The following LRRTM3 variants were observed in gnomAD, a reference collection of about 807,000 sequenced individuals.
LRRTM3 encodes the protein leucine-rich repeat transmembrane neuronal protein 3.
LRRTM3 carries 24 observed loss-of-function variants against 44.7 expected under a neutral mutation model. That is an observed-to-expected ratio of 0.54 (90% confidence interval 0.39 to 0.76). LRRTM3 has a LOEUF of 0.76. Ranked by LOEUF, LRRTM3 falls within the 30% of genes least tolerant of loss-of-function variation. The pLI is 0.00. For synonymous variants in LRRTM3, 277 were observed against 278.7 expected (o/e 0.99, Z 0.06); for missense variants, 587 against 702.2 (o/e 0.84, Z 1.85).
chr10:67,026,809 C>T (rs1471505248), intron 2 of LRRTM3, among the ~76,000 whole-genome samples: 2 of 152,136 alleles, frequency 1.3e-5, no homozygotes, highest in South Asian at 2.1e-4. Context: ...GAAACAAACT[C>T]TTCTCATGTG....
chr10:66,988,216 A>T lies in LRRTM3; in HGVS notation c.1536+59764A>T, dbSNP rs115290067. Among the ~76,000 whole-genome samples the T allele has an allele frequency of 3.4e-3, 521 of 152,272 alleles. 8 individuals are homozygous for T. Among genetic ancestry groups the T allele is most frequent in the African/African-American group, 0.012 (500 of 41,566 alleles). Reference sequence around the variant, plus strand: ...CAAACTCAAGTATCTTCATTGATTTAAAAATGATCCCCAAAATAATACTAC... The same window carrying T: ...CAAACTCAAGTATCTTCATTGATTTTAAAATGATCCCCAAAATAATACTAC... On this transcript the variant is annotated intron_variant, in intron 2 of 2. Coordinates refer to ENST00000361320, the MANE Select transcript of LRRTM3 (RefSeq NM_178011.5).
chr10:67,051,169 A>G (rs942969672), intron 2 of LRRTM3, among the ~76,000 whole-genome samples: 2 of 152,318 alleles, frequency 1.3e-5, no homozygotes, highest in African/African-American at 4.8e-5. Context: ...CAGGAATGAG[A>G]TCTCATTACC....
At position 67,083,785 on chromosome 10, in the gene LRRTM3, T is replaced by C. The variant is rs568500543; in HGVS notation, c.1537-13802T>C. ...ATTCAAAATACATTAGTTCTCCCCA[T>C]AGACATTGGGATGGTTCCCATTACA... On this transcript the variant is annotated intron_variant, in intron 2 of 2. Transcript: ENST00000361320. Among the ~76,000 whole-genome samples the C allele has an allele frequency of 3.3e-5, 5 of 152,274 alleles. No individual in the cohort carries two copies. In the South Asian group the frequency reaches 6.2e-4, roughly 19 times the overall value.
At chr10:66,954,343 G>A (rs541670082) in intron 2 of LRRTM3, among the ~76,000 whole-genome samples, 1 of 152,064 alleles carries the variant, frequency 6.6e-6, no homozygotes. Flanking sequence ...AAAAATCAAG[G>A]TTGCTGCTTC....
intron 2 of LRRTM3, among the ~76,000 whole-genome samples, chr10:66,931,564 T>G (rs1589442376): frequency 6.6e-6 from 1 of 152,202 alleles, no homozygotes; most frequent in Admixed American, 6.5e-5. Context: ...TAGTGTCTGG[T>G]TAGACTAACC....
chr10:67,002,779 C>T (rs1851759354), intron 2 of LRRTM3, among the ~76,000 whole-genome samples: 2 of 151,618 alleles, frequency 1.3e-5, no homozygotes, highest in African/African-American at 4.9e-5. Flanking sequence ...TATATAATTG[C>T]TGGGTTAAAT....
intron 2 of LRRTM3, among the ~76,000 whole-genome samples, chr10:67,096,789 C>T (rs1414911781): frequency 6.6e-6 from 1 of 151,830 alleles, no homozygotes; most frequent in Non-Finnish European, 1.5e-5. Flanking sequence ...CTCATGTATA[C>T]TACTGGTTCC....
chr10:66,994,094 A>C (rs1357428982), intron 2 of LRRTM3, among the ~76,000 whole-genome samples: 1 of 152,206 alleles, frequency 6.6e-6, no homozygotes, highest in African/African-American at 2.4e-5. Context: ...TAACCAAGTT[A>C]AGCTCCTAGA....
intron 2 of LRRTM3, among the ~76,000 whole-genome samples, chr10:67,087,597 TA>T (rs1329055839): frequency 6.6e-6 from 1 of 151,878 alleles, no homozygotes; most frequent in East Asian, 1.9e-4. Flanking sequence ...TAAAATCAAA[TA>T]AAAAATAAAG....
intron 2 of LRRTM3, among the ~76,000 whole-genome samples, chr10:67,026,174 G>C (rs2133092257): frequency 6.6e-6 from 1 of 150,632 alleles, no homozygotes; most frequent in Non-Finnish European, 1.5e-5. Context: ...CGAGTTAATG[G>C]GTGCAGCACA....
At chr10:67,006,355 T>C (rs773470516) in intron 2 of LRRTM3, among the ~76,000 whole-genome samples, 54 of 152,306 alleles carry the variant, frequency 3.5e-4, no homozygotes, top group Middle Eastern at 3.4e-3. Flanking sequence ...TAATAAACTT[T>C]GCAAAAGTCG....
chr10:67,071,135 T>A (rs1856426062), intron 2 of LRRTM3, among the ~76,000 whole-genome samples: 1 of 152,210 alleles, frequency 6.6e-6, no homozygotes, highest in African/African-American at 2.4e-5. Flanking sequence ...AAAGCATCAC[T>A]CTTATTGTTC....
chr10:67,016,568 G>A (rs1199575098), intron 2 of LRRTM3, among the ~76,000 whole-genome samples: 5 of 152,202 alleles, frequency 3.3e-5, no homozygotes, highest in Admixed American at 2.0e-4. Context: ...AGTCTCAGGC[G>A]GGATTTCTAC....
In LRRTM3 at chr10:66,962,423, T is replaced by TG. The variant is rs530127013; in HGVS notation, c.1536+33971_1536+33972insG. Among the ~76,000 whole-genome samples, 27 of 151,778 alleles carry TG rather than the reference T, an allele frequency of 1.8e-4. No homozygotes were observed. The East Asian group carries it at 2.9e-3, about 16-fold the overall frequency. On this transcript the variant is annotated intron_variant, in intron 2 of 2. Transcript: ENST00000361320. Reference sequence around the variant, plus strand: ...TGTTTTTTGTTTTTGTTTTTGTTTTTTTTTTGAGACAGAGTCTCACTCTGT... The same window carrying TG: ...TGTTTTTTGTTTTTGTTTTTGTTTTTGTTTTTGAGACAGAGTCTCACTCTGT...
intron 2 of LRRTM3, among the ~76,000 whole-genome samples, chr10:67,038,757 T>A (rs963750084): frequency 5.9e-5 from 9 of 152,058 alleles, no homozygotes; most frequent in African/African-American, 2.2e-4. Context: ...AACCAGGAGT[T>A]CAATATGAGA....
chr10:66,961,771 T>C lies in LRRTM3; in HGVS notation c.1536+33319T>C, dbSNP rs533242090. Among the ~76,000 whole-genome samples, 6 of 152,266 alleles carry C rather than the reference T, an allele frequency of 3.9e-5. No individual in the cohort carries two copies. The South Asian group carries it at 1.2e-3, about 32-fold the overall frequency. On this transcript the variant is annotated intron_variant, in intron 2 of 2. Coordinates refer to ENST00000361320, the MANE Select transcript of LRRTM3 (RefSeq NM_178011.5). Reference sequence around the variant, plus strand: ...CCTTGAGGACATTTCAAAGGCTTAATAGACATTTCAAACTTAATACATGCA... The same window carrying C: ...CCTTGAGGACATTTCAAAGGCTTAACAGACATTTCAAACTTAATACATGCA...
chr10:67,085,578 A>C (rs1857261047), intron 2 of LRRTM3, among the ~76,000 whole-genome samples: 1 of 152,018 alleles, frequency 6.6e-6, no homozygotes, highest in Non-Finnish European at 1.5e-5. Context: ...ATTTTATTGC[A>C]TAAGAGCTGT....
At chr10:67,018,433 G>A (rs1589610983) in intron 2 of LRRTM3, among the ~76,000 whole-genome samples, 2 of 152,102 alleles carry the variant, frequency 1.3e-5, no homozygotes, top group East Asian at 3.8e-4. Context: ...TTTGTATTTT[G>A]CATTTCTAGT....
chr10:66,944,277 T>G (rs1275935210), intron 2 of LRRTM3, among the ~76,000 whole-genome samples: 1 of 152,190 alleles, frequency 6.6e-6, no homozygotes, highest in African/African-American at 2.4e-5. Context: ...AGGAGAAGAT[T>G]TTATCTCAAG....
Sources: gnomAD v4.1 joint callset for allele counts (sites outside exome capture counted in the v4.1 genomes callset) on GRCh38, gnomAD v4.1.1 for gene constraint, MANE v1.5 for transcripts, NCBI Gene and HGNC (gene_info 2026-07-23, HGNC 2026-07-21) for gene names.